CDC42BPA: variants seen among roughly 807,000 people sequenced by gnomAD.
The protein encoded by CDC42BPA is CDC42 binding protein kinase alpha, also known as serine/threonine-protein kinase MRCK alpha.
CDC42BPA carries 80 observed loss-of-function variants against 223.5 expected under a neutral mutation model. The observed-to-expected ratio is 0.36, with a 90% confidence interval of 0.30 to 0.43. The LOEUF (loss-of-function observed/expected upper bound fraction) is 0.43. Among genes scored for constraint, CDC42BPA ranks in the 20% least tolerant of loss-of-function variants. CDC42BPA has a pLI of 1.00. For synonymous variants in CDC42BPA, 694 were observed against 718.6 expected (o/e 0.97, Z 0.55); for missense variants, 1,743 against 2,099.9 (o/e 0.83, Z 3.32).
chr1:227,292,966 C>T (rs1013705706), intron 1 of CDC42BPA, among the ~76,000 whole-genome samples: 1 of 151,968 alleles, frequency 6.6e-6, no homozygotes, highest in Non-Finnish European at 1.5e-5. Flanking sequence ...TACTATATTC[C>T]CCCCAAATCT....
chr1:227,129,529 A>G (rs1411397154), intron 10 of CDC42BPA, among the ~76,000 whole-genome samples: 2 of 151,742 alleles, frequency 1.3e-5, no homozygotes, highest in African/African-American at 4.8e-5. Flanking sequence ...TTGGCAGGGC[A>G]TGGTGGCACA....
At chr1:227,084,294 A>G (rs1424006094) in intron 16 of CDC42BPA, among the ~76,000 whole-genome samples, 1 of 152,090 alleles carries the variant, frequency 6.6e-6, no homozygotes, top group Non-Finnish European at 1.5e-5. Flanking sequence ...TTGGGAGGCC[A>G]AGGTGGGAGG....
At chr1:227,251,173 A>G (rs1004308376) in intron 2 of CDC42BPA, among the ~76,000 whole-genome samples, 8 of 152,240 alleles carry the variant, frequency 5.3e-5, no homozygotes, top group African/African-American at 1.9e-4. Flanking sequence ...CTAAATAAAT[A>G]GGTACAATAT....
intron 5 of CDC42BPA, among the ~76,000 whole-genome samples, chr1:227,163,054 A>G (rs1468443139): frequency 3.8e-4 from 26 of 68,402 alleles, no homozygotes; most frequent in African/African-American, 4.0e-4. Context: ...ACATATGTGT[A>G]TGTTTCCAAA....
intron 6 of CDC42BPA, among the ~76,000 whole-genome samples, chr1:227,156,290 C>T (rs1662762045): frequency 6.6e-6 from 1 of 151,920 alleles, no homozygotes; most frequent in Non-Finnish European, 1.5e-5. Context: ...GTAACTGGGA[C>T]TATAGGTGCA....
intron 21 of CDC42BPA, among the ~76,000 whole-genome samples, chr1:227,054,076 T>C (rs1674078586): frequency 6.6e-6 from 1 of 152,166 alleles, no homozygotes; most frequent in Non-Finnish European, 1.5e-5. Context: ...TAGGGGACTT[T>C]CTATGTGTAA....
intron 5 of CDC42BPA, among the ~76,000 whole-genome samples, chr1:227,162,652 GAGACCC>G (rs1664130677): frequency 3.3e-5 from 5 of 152,068 alleles, no homozygotes; most frequent in South Asian, 4.1e-4. Context: ...GCAACACAGT[GAGACCC>G]CTTCTCTACA....
intron 10 of CDC42BPA, among the ~76,000 whole-genome samples, chr1:227,130,478 T>C (rs1656854566): frequency 6.6e-6 from 1 of 152,206 alleles, no homozygotes; most frequent in South Asian, 2.1e-4. Context: ...TCCGTATTTA[T>C]TATTTTGAAA....
intron 33 of CDC42BPA, among the ~76,000 whole-genome samples, 193 bp from the exon 34 acceptor site, chr1:227,016,390 A>C (rs1281839060): frequency 6.6e-6 from 1 of 152,224 alleles, no homozygotes; most frequent in Non-Finnish European, 1.5e-5. Flanking sequence ...AAAAGATCTT[A>C]CGATTTTAGG....
chr1:227,066,056 A>G (rs905548302), intron 21 of CDC42BPA, among the ~76,000 whole-genome samples: 2 of 152,162 alleles, frequency 1.3e-5, no homozygotes, highest in Non-Finnish European at 2.9e-5. Flanking sequence ...ATATAACTAG[A>G]TTTGGCACAG....
intron 1 of CDC42BPA, among the ~76,000 whole-genome samples, chr1:227,307,406 C>T (rs942289399): frequency 3.9e-5 from 6 of 152,136 alleles, no homozygotes; most frequent in African/African-American, 1.4e-4. Flanking sequence ...AGTTTAAAGG[C>T]TCTCACACTA....
chr1:227,148,041 C>A (rs570867211), intron 6 of CDC42BPA, among the ~76,000 whole-genome samples: 1 of 152,174 alleles, frequency 6.6e-6, no homozygotes, highest in East Asian at 1.9e-4. Flanking sequence ...CAATAATGTA[C>A]AACAAACTAC....
intron 3 of CDC42BPA, among the ~76,000 whole-genome samples, chr1:227,206,768 G>GA (rs1416953801): frequency 1.1e-4 from 17 of 152,086 alleles, no homozygotes; most frequent in African/African-American, 4.1e-4. Context: ...ATAGTTTGAG[G>GA]AGAGTACCTT....
At chr1:227,068,192 T>C (rs1677503673) in intron 21 of CDC42BPA, among the ~76,000 whole-genome samples, 1 of 151,820 alleles carries the variant, frequency 6.6e-6, no homozygotes, top group African/African-American at 2.4e-5. Flanking sequence ...TCTATTATTG[T>C]CATACAATAA....
rs1041232753 is a variant in CDC42BPA, at chr1:227,178,472, C to T, written c.599+15314G>A. The T allele has an allele frequency of 6.5e-5, 10 of 153,086 alleles. No individual in the cohort carries two copies. The East Asian group carries it at 1.7e-3, about 26-fold the overall frequency. 9.5% of individuals were successfully genotyped at this position (153,086 alleles called of 1,614,324 possible). On this transcript the variant is annotated intron_variant, in intron 5 of 36. Coordinates refer to ENST00000366766, the MANE Select transcript of CDC42BPA (RefSeq NM_001394014.1). ...AAACCTCTTTCTTTTATAAATTGCC[C>T]AGTCTTGGGGTATGTCTTGTCTTTT...
chr1:227,034,762 C>A lies in CDC42BPA; in HGVS notation c.3369G>T (p.Trp1123Cys), dbSNP rs747366360. 6 of 1,612,424 alleles carry A rather than the reference C, an allele frequency of 3.7e-6. No homozygotes were observed. The Admixed American group carries it at 6.7e-5, about 18-fold the overall frequency. ...IPKPAGVKKG[W>C]QRALAIVCDF... ...CACACACTATAGCCAGTGCTCTCTG[C>A]CACCCTTTCTTCACTCCAGCTGGCT... is the stretch of plus-strand genomic sequence containing the variant. Residue 1123 changes from tryptophan (W) to cysteine (C), a missense_variant, in exon 26 of 37, where the codon TGG (tryptophan) becomes TGT (cysteine). Physicochemically the swap from Trp to Cys is radical, Grantham distance 215. Around this residue, in one of 6 missense-constraint regions of CDC42BPA, gnomAD observed 678 missense variants for 777.5 expected, o/e 0.87. Transcript: ENST00000366766.
Position 227,043,970 on chromosome 1 carries a change from C to G in CDC42BPA, c.3094-3734G>C, listed in dbSNP as rs929758149. Among the ~76,000 whole-genome samples the G allele has an allele frequency of 1.6e-4, 24 of 152,284 alleles. No homozygotes were observed. The East Asian group carries it at 4.6e-3, about 29-fold the overall frequency. On this transcript the variant is annotated intron_variant, in intron 23 of 36. Transcript: ENST00000366766. ...GAATGGCTGTACCCGTTTATACTTC[C>G]AGTATCCACGTGTGAAGCTGCCTGT...
chr1:227,195,150 CTG>C, intron 4 of CDC42BPA, among the ~76,000 whole-genome samples: 1 of 152,060 alleles, frequency 6.6e-6, no homozygotes, highest in Non-Finnish European at 1.5e-5. Flanking sequence ...ATTTAAAATC[CTG>C]TGTCTTTGGC....
chr1:227,106,802 A>G (rs529375217), intron 14 of CDC42BPA, among the ~76,000 whole-genome samples: 1 of 152,196 alleles, frequency 6.6e-6, no homozygotes, highest in South Asian at 2.1e-4. Flanking sequence ...AGTTGTCCCA[A>G]AACATCTGTA....
Sources: gnomAD v4.1 joint callset for allele counts (sites outside exome capture counted in the v4.1 genomes callset) on GRCh38, gnomAD v4.1.1 for gene constraint, gnomAD v4.1.1 regional missense constraint, MANE v1.5 for transcripts, NCBI Gene and HGNC (gene_info 2026-07-23, HGNC 2026-07-21) for gene names.